GLI3: variants seen among roughly 807,000 people sequenced by gnomAD.
GLI3 encodes GLI family zinc finger 3.
A neutral mutation model predicts 100.8 loss-of-function variants in GLI3; 20 were observed. The observed-to-expected ratio is 0.20, with a 90% confidence interval of 0.14 to 0.29. The LOEUF is 0.29. GLI3 is among the 10% of genes least tolerant of loss of function. The probability of loss-of-function intolerance (pLI) is 1.00; values close to 1 mark genes in which losing one functional copy is unlikely to be tolerated. For synonymous variants in GLI3, 938 were observed against 860.5 expected (o/e 1.09, Z -1.58); for missense variants, 2,040 against 2,128.5 (o/e 0.96, Z 0.82).
intron 1 of GLI3, among the ~76,000 whole-genome samples, chr7:42,226,788 G>C (rs1370754119): frequency 6.6e-6 from 1 of 152,204 alleles, no homozygotes; most frequent in African/African-American, 2.4e-5. Flanking sequence ...AAAGAAGAAA[G>C]TTTAACATTC....
intron 3 of GLI3, among the ~76,000 whole-genome samples, chr7:42,100,201 T>C (rs917522443): frequency 1.3e-5 from 2 of 152,166 alleles, no homozygotes; most frequent in Non-Finnish European, 2.9e-5. Flanking sequence ...AAAGCACAGA[T>C]AAAGGGACTG....
intron 2 of GLI3, among the ~76,000 whole-genome samples, chr7:42,160,453 A>C (rs1787105957): frequency 6.6e-6 from 1 of 152,232 alleles, no homozygotes; most frequent in South Asian, 2.1e-4. Context: ...CCTCATATCC[A>C]TAGCCTTGGG....
intron 2 of GLI3, among the ~76,000 whole-genome samples, chr7:42,186,966 T>C (rs1456201108): frequency 2.6e-5 from 4 of 152,124 alleles, no homozygotes; most frequent in Non-Finnish European, 4.4e-5. Flanking sequence ...TCCCAGCACA[T>C]TGGAAGACTG....
rs757478389 is a variant in GLI3, at chr7:41,965,221, G to A, written c.3852C>T (p.Thr1284=). The A allele has an allele frequency of 5.6e-6, 9 of 1,613,932 alleles. No individual in the cohort carries two copies. Among genetic ancestry groups the A allele is most frequent in the Admixed American group, 3.3e-5 (2 of 60,026 alleles). The change falls in exon 15 of 15, where the codon ACC becomes ACT. Residue 1284 remains threonine, a synonymous_variant. Transcript: ENST00000395925. The part of the protein sequence containing the change: ...AGIQASKLKS[T]PMQGSGGQLN... ...GCTGGCCCCCGCTCCCTTGCATGGG[G>A]GTGCTCTTCAGCTTTGAGGCTTGAA... is the stretch of plus-strand genomic sequence containing the variant.
intron 10 of GLI3, among the ~76,000 whole-genome samples, chr7:42,009,825 A>T (rs1230411538): frequency 6.6e-6 from 1 of 152,214 alleles, no homozygotes; most frequent in Non-Finnish European, 1.5e-5. Context: ...CCATTCGTTG[A>T]TTGTAAACCA....
rs544545167 is a variant in GLI3 at position 42,175,241 on chromosome 7, G to A, written c.125-26773C>T. On this transcript the variant is annotated intron_variant, in intron 2 of 14. Transcript: ENST00000395925. ...TAAAGTACACTGGGCCAGTCCCCCCGAAATGCTTGCCTTCCATCCCTCGGT... is the reference window on the plus strand; with the variant it reads ...TAAAGTACACTGGGCCAGTCCCCCCAAAATGCTTGCCTTCCATCCCTCGGT... 1.6e-3 allele frequency among the ~76,000 whole-genome samples: 238 copies of A among 152,266 alleles called. 1 individual carries two copies. The highest frequency in any genetic ancestry group is 5.5e-3 in the African/African-American group (228 of 41,578).
intron 1 of GLI3, among the ~76,000 whole-genome samples, chr7:42,259,586 T>G (rs1789119097): frequency 6.6e-6 from 1 of 152,228 alleles, no homozygotes; most frequent in South Asian, 2.1e-4. Context: ...TTATTATTAT[T>G]GCTGAACATG....
intron 10 of GLI3, among the ~76,000 whole-genome samples, chr7:41,980,120 C>CAG (rs1304175814): frequency 6.6e-6 from 1 of 152,154 alleles, no homozygotes; most frequent in African/African-American, 2.4e-5. Flanking sequence ...TGATGAAGAG[C>CAG]AGAGAGAGAG....
At chr7:42,160,925 A>G (rs1161605429) in intron 2 of GLI3, among the ~76,000 whole-genome samples, 6 of 152,198 alleles carry the variant, frequency 3.9e-5, no homozygotes, top group Admixed American at 3.9e-4. Flanking sequence ...CATCTCTTTT[A>G]CCCACTTCTT....
rs1335997799 is a variant in GLI3, at chr7:41,964,931, C to A, written c.4142G>T (p.Arg1381Met). Residue 1381 changes from arginine to methionine, a missense_variant, in exon 15 of 15, where the codon AGG becomes ATG. Arg to Met is a moderately conservative substitution (Grantham distance 91). Transcript: ENST00000395925. ...AAAGCTGGCACATGGCTGGTAGCCC[C>A]TGACAACTGCCAAGCTTGACGGCTG... ...GSQPSSLAVV[R>M]GYQPCASFGG... The A allele has an allele frequency of 6.2e-7, 1 of 1,613,696 alleles. No homozygotes were observed. The highest frequency in any genetic ancestry group is 1.7e-5 in the Admixed American group (1 of 60,014).
At chr7:42,063,525 A>G (rs1204528549) in intron 4 of GLI3, among the ~76,000 whole-genome samples, 1 of 152,250 alleles carries the variant, frequency 6.6e-6, no homozygotes, top group Non-Finnish European at 1.5e-5. Context: ...AAATTATTTT[A>G]TTAAAAGATA....
intron 2 of GLI3, among the ~76,000 whole-genome samples, chr7:42,212,070 G>C (rs956515474): frequency 1.3e-5 from 2 of 152,216 alleles, no homozygotes; most frequent in African/African-American, 4.8e-5. Context: ...GTCGTGAGCA[G>C]TTCCAGAAAG....
chr7:42,187,057 G>A (rs2058020), intron 2 of GLI3, among the ~76,000 whole-genome samples: 2,690 of 135,212 alleles, frequency 0.02, 59 homozygotes, highest in Middle Eastern at 0.084. Flanking sequence ...AAAAAAAAAA[G>A]TTAATTAGCT....
chr7:42,196,443 G>T lies in GLI3; in HGVS notation c.124+26687C>A, dbSNP rs3779179. Reference sequence around the variant, plus strand: ...AAGGCGTCCTGATTAACGTTGCATTGCAGAAGATGTACCTCCCAAAAAAGA... The same window carrying T: ...AAGGCGTCCTGATTAACGTTGCATTTCAGAAGATGTACCTCCCAAAAAAGA... On this transcript the variant is annotated intron_variant, in intron 2 of 14. Coordinates refer to ENST00000395925, the MANE Select transcript of GLI3 (RefSeq NM_000168.6). Among the ~76,000 whole-genome samples the T allele has an allele frequency of 2.9e-4, 44 of 152,278 alleles. 1 individual carries two copies. The East Asian group carries it at 7.5e-3, about 26-fold the overall frequency.
intron 11 of GLI3, 58 bp from the exon 12 acceptor site, chr7:41,977,780 T>A: frequency 2.1e-6 from 3 of 1,438,580 alleles, no homozygotes; most frequent in Non-Finnish European, 2.9e-6. Flanking sequence ...AGCTTATGCC[T>A]AACACGCCCT....
At chr7:42,215,236 T>A (rs1194211519) in intron 2 of GLI3, among the ~76,000 whole-genome samples, 1 of 152,120 alleles carries the variant, frequency 6.6e-6, no homozygotes, top group Non-Finnish European at 1.5e-5. Flanking sequence ...CTTACGGATT[T>A]TCAAAACTCA....
chr7:41,962,825 G>A lies in GLI3; in HGVS notation c.*1505C>T, dbSNP rs1331075089. On this transcript the variant is annotated 3_prime_UTR_variant, in exon 15 of 15. Transcript: ENST00000395925. The stretch of plus-strand genomic sequence containing the variant: ...CACTTGCAGTAAATCCAATTCCAGG[G>A]GTCAATGGGACAGAATACAGCAGGT... 8 of 152,056 alleles carry A rather than the reference G, an allele frequency of 5.3e-5. No individual in the cohort carries two copies. The highest frequency in any genetic ancestry group is 4.6e-4 in the Admixed American group (7 of 15,256). The allele number at this position is 152,056 out of a possible 1,614,324, so 9.4% of individuals were successfully genotyped here.
At chr7:42,244,872 A>G (rs1004826605) in intron 1 of GLI3, among the ~76,000 whole-genome samples, 2 of 152,216 alleles carry the variant, frequency 1.3e-5, no homozygotes, top group East Asian at 3.8e-4. Context: ...TCTCAAGCCC[A>G]AAGAGAAGGC....
intron 3 of GLI3, among the ~76,000 whole-genome samples, chr7:42,084,113 ATT>A (rs1347188061): frequency 6.6e-6 from 1 of 152,180 alleles, no homozygotes; most frequent in Non-Finnish European, 1.5e-5. Context: ...GCTTTTTATC[ATT>A]TCTTTTGTGT....
Sources: allele counts gnomAD v4.1 joint callset (sites outside exome capture counted in the v4.1 genomes callset), GRCh38; gene constraint gnomAD v4.1.1; transcripts MANE v1.5; gene names NCBI Gene and HGNC (gene_info 2026-07-23, HGNC 2026-07-21).